Variants in CTNNBL1 observed in about 807,000 individuals in gnomAD.
CTNNBL1 encodes the protein beta-catenin-like protein 1.
Under a neutral mutation model 72.7 loss-of-function variants are expected in CTNNBL1, and 31 were observed. The observed-to-expected ratio is 0.43, with a 90% CI of 0.32 to 0.58. The LOEUF (loss-of-function observed/expected upper bound fraction) is 0.58. CTNNBL1 is among the 20% of genes least tolerant of loss of function. The probability of loss-of-function intolerance (pLI) is 0.08; values close to 1 mark genes in which losing one functional copy is unlikely to be tolerated. For missense variants in CTNNBL1, 534 were observed against 725.1 expected, an observed-to-expected ratio of 0.74 and a Z score of 3.03; for synonymous variants, 240 against 267.3, an observed-to-expected ratio of 0.90 and a Z score of 1.00.
chr20:37,840,622 C>T (rs1184529329), intron 12 of CTNNBL1, among the ~76,000 whole-genome samples: 1 of 152,214 alleles, frequency 6.6e-6, no homozygotes, highest in Non-Finnish European at 1.5e-5. Flanking sequence ...CATCAATACT[C>T]ATCTTGAAGG....
At chr20:37,763,360 G>A (rs1024266144) in intron 5 of CTNNBL1, among the ~76,000 whole-genome samples, 6 of 152,134 alleles carry the variant, frequency 3.9e-5, no homozygotes, top group Non-Finnish European at 7.4e-5. Flanking sequence ...TGGGAAAACA[G>A]CACTTTCCTG....
chr20:37,847,982 A>C (rs1330622548), intron 13 of CTNNBL1: 1 of 152,436 alleles, frequency 6.6e-6, no homozygotes, highest in Non-Finnish European at 1.5e-5. Context: ...GAAGTGCAGG[A>C]GTGAATGTGG....
At chr20:37,805,668 A>C (rs1484550935) in intron 11 of CTNNBL1, among the ~76,000 whole-genome samples, 1 of 152,094 alleles carries the variant, frequency 6.6e-6, no homozygotes, top group Non-Finnish European at 1.5e-5. Flanking sequence ...AAATGCTGAG[A>C]TTATAGACAG....
rs566199457 is a variant in CTNNBL1 at position 37,830,477 on chromosome 20, G to T, written c.1214-9625G>T. 1.3e-4 allele frequency among the ~76,000 whole-genome samples: 20 copies of T among 152,234 alleles called. No individual in the cohort carries two copies. In the East Asian group the frequency reaches 2.9e-3, roughly 22 times the overall value. ...TTTTAAAACTTCAACAGAGGTTCCA[G>T]CAGGACCCCTCTAGAATCTGGAGGC... On this transcript the variant is annotated intron_variant, in intron 11 of 15. Transcript: ENST00000361383.
chr20:37,698,762 G>A (rs1288933280), intron 1 of CTNNBL1, among the ~76,000 whole-genome samples: 4 of 152,172 alleles, frequency 2.6e-5, no homozygotes, highest in Non-Finnish European at 5.9e-5. Context: ...AAAGTTCTTT[G>A]AGGCCAAGCG....
Position 37,705,353 on chromosome 20 carries a change from T to G in CTNNBL1, c.30+11201T>G, listed in dbSNP as rs6012874. 4.5e-3 allele frequency among the ~76,000 whole-genome samples: 687 copies of G among 152,346 alleles called. 8 individuals are homozygous for G. Among genetic ancestry groups the G allele is most frequent in the East Asian group, 0.017 (88 of 5,190 alleles). ...AGGATTAAATGAGACAATTTGGATA[T>G]TGCTAAGTAGTACAGTGCCTGACAC... On this transcript the variant is annotated intron_variant, in intron 1 of 15. Transcript: ENST00000361383.
intron 11 of CTNNBL1, among the ~76,000 whole-genome samples, chr20:37,838,886 A>G (rs2072277395): frequency 6.6e-6 from 1 of 152,138 alleles, no homozygotes; most frequent in Non-Finnish European, 1.5e-5. Context: ...GTCTCAAAAT[A>G]AAAATTAAGG....
chr20:37,864,807 G>A (rs754117504), intron 15 of CTNNBL1, among the ~76,000 whole-genome samples: 7 of 135,242 alleles, frequency 5.2e-5, no homozygotes, highest in Non-Finnish European at 9.5e-5. Flanking sequence ...ACTGGGGTGC[G>A]TGCTGAGGTG....
Position 37,840,103 on chromosome 20 carries a change from G to A in CTNNBL1, c.1215G>A (p.Glu405=). 1.2e-6 allele frequency: 2 copies of A among 1,612,110 alleles called. No individual in the cohort carries two copies. Among genetic ancestry groups the A allele is most frequent in the Non-Finnish European group, 1.7e-6 (2 of 1,178,264 alleles). The change falls in exon 12 of 16, where the codon GAG becomes GAA. Residue 405 remains glutamate, a splice_region_variant and synonymous_variant. Coordinates refer to ENST00000361383, the MANE Select transcript of CTNNBL1 (RefSeq NM_030877.5). Reference sequence around the variant, plus strand: ...TCTCTTTTCTCTTTCCCAACCCAGAGCATGTCTGTTCGATCCTGGCTTCCC... The same window carrying A: ...TCTCTTTTCTCTTTCCCAACCCAGAACATGTCTGTTCGATCCTGGCTTCCC... ...KVGTTEKEHE[E]HVCSILASLL...
At chr20:37,752,505 C>A (rs1168055304) in intron 4 of CTNNBL1, among the ~76,000 whole-genome samples, 1 of 151,398 alleles carries the variant, frequency 6.6e-6, no homozygotes, top group Non-Finnish European at 1.5e-5. Context: ...CTTAAGAAAG[C>A]CTTTTTGAAA....
intron 3 of CTNNBL1, among the ~76,000 whole-genome samples, chr20:37,743,051 A>C (rs978123883): frequency 1.3e-5 from 2 of 151,580 alleles, no homozygotes; most frequent in Non-Finnish European, 2.9e-5. Flanking sequence ...TGACCCGCCC[A>C]CCTTGGCCTC....
intron 1 of CTNNBL1, among the ~76,000 whole-genome samples, chr20:37,694,569 AT>A (rs1310905967): frequency 2.6e-5 from 4 of 152,108 alleles, no homozygotes; most frequent in African/African-American, 9.7e-5. Flanking sequence ...TGGACAAGTC[AT>A]TCCCCCCCTC....
intron 15 of CTNNBL1, among the ~76,000 whole-genome samples, chr20:37,865,055 G>A (rs530820678): frequency 1.3e-5 from 2 of 152,128 alleles, no homozygotes; most frequent in South Asian, 2.1e-4. Context: ...TATGCACAGC[G>A]GTAAGGAATG....
intron 11 of CTNNBL1, among the ~76,000 whole-genome samples, chr20:37,817,176 TC>T (rs1395148023): frequency 2.0e-5 from 3 of 152,176 alleles, no homozygotes; most frequent in Non-Finnish European, 4.4e-5. Flanking sequence ...GTATTCTTGA[TC>T]CCGGACTTCA....
At chr20:37,826,121 G>GCCACAT (rs1296913983) in intron 11 of CTNNBL1, among the ~76,000 whole-genome samples, 1 of 152,192 alleles carries the variant, frequency 6.6e-6, no homozygotes, top group African/African-American at 2.4e-5. Flanking sequence ...GATGTCAGAT[G>GCCACAT]CCACATCATT....
intron 11 of CTNNBL1, among the ~76,000 whole-genome samples, chr20:37,822,988 C>T (rs549336211): frequency 6.6e-6 from 1 of 152,304 alleles, no homozygotes; most frequent in Admixed American, 6.5e-5. Flanking sequence ...GAAAGATTAA[C>T]TTTGGAGAAA....
chr20:37,772,409 G>A (rs990428261), intron 7 of CTNNBL1, among the ~76,000 whole-genome samples: 1 of 152,188 alleles, frequency 6.6e-6, no homozygotes, highest in East Asian at 1.9e-4. Flanking sequence ...GGAGTGCAGT[G>A]GCGATCTTGG....
At position 37,859,918 on chromosome 20, in the gene CTNNBL1, A is replaced by T; in HGVS notation, c.1412A>T (p.Glu471Val). ...TTCTAGGACATGGTCCGGCGAGGAG[A>T]GATCATCGACAATGACACCGAGGAG... ...GEKHDMVRRG[E>V]IIDNDTEEEF... Residue 471 changes from glutamate (E) to valine (V), a missense_variant, in exon 14 of 16, where the codon GAG becomes GTG. By Grantham distance (121) the Glu-to-Val change is moderately radical. Coordinates refer to ENST00000361383, the MANE Select transcript of CTNNBL1 (RefSeq NM_030877.5). 3 of 1,614,056 alleles carry T rather than the reference A, an allele frequency of 1.9e-6. No homozygotes were observed. Among genetic ancestry groups the T allele is most frequent in the Non-Finnish European group, 2.5e-6 (3 of 1,180,008 alleles).
intron 10 of CTNNBL1, among the ~76,000 whole-genome samples, chr20:37,799,379 C>T (rs779276847): frequency 1.2e-4 from 18 of 152,314 alleles, no homozygotes; most frequent in Admixed American, 3.9e-4. Flanking sequence ...CATCTTCCAC[C>T]ACTGGCCATT....
Sources: allele counts gnomAD v4.1 joint callset (sites outside exome capture counted in the v4.1 genomes callset), GRCh38; gene constraint gnomAD v4.1.1; transcripts MANE v1.5; gene names NCBI Gene and HGNC (gene_info 2026-07-23, HGNC 2026-07-21).